ROBO2: variants seen among roughly 807,000 people sequenced by gnomAD.
ROBO2 encodes roundabout guidance receptor 2.
ROBO2 carries 53 observed loss-of-function variants against 160.8 expected under a neutral mutation model. That is an observed-to-expected ratio of 0.33 (90% CI 0.26 to 0.41). The LOEUF (loss-of-function observed/expected upper bound fraction) is 0.41, where lower values mean the gene tolerates loss of function less well. Ranked by LOEUF, ROBO2 falls within the 10% of genes least tolerant of loss-of-function variation. The pLI is 1.00. For missense variants in ROBO2, 1,577 were observed against 1,722.4 expected, an observed-to-expected ratio of 0.92 and a Z score of 1.49; for synonymous variants, 664 against 611.7, an observed-to-expected ratio of 1.09 and a Z score of -1.26.
intron 2 of ROBO2, among the ~76,000 whole-genome samples, chr3:76,795,967 A>T (rs139747805): frequency 1.3e-5 from 2 of 152,270 alleles, no homozygotes; most frequent in Admixed American, 6.5e-5. Context: ...ATTTTTTTAT[A>T]CATCTCCATC....
intron 2 of ROBO2, among the ~76,000 whole-genome samples, chr3:76,511,667 A>G (rs1321031345): frequency 1.3e-5 from 2 of 152,202 alleles, no homozygotes; most frequent in Non-Finnish European, 2.9e-5. Flanking sequence ...AATGCTGGGA[A>G]CACAGCTACT....
At chr3:77,388,473 T>G (rs2074367795) in intron 2 of ROBO2, among the ~76,000 whole-genome samples, 1 of 152,192 alleles carries the variant, frequency 6.6e-6, no homozygotes, top group Admixed American at 6.5e-5. Flanking sequence ...TTTGTTCTTC[T>G]CGCTCCTTCT....
intron 2 of ROBO2, among the ~76,000 whole-genome samples, chr3:77,152,996 T>C (rs1345157125): frequency 1.3e-5 from 2 of 152,168 alleles, no homozygotes; most frequent in Non-Finnish European, 2.9e-5. Context: ...ATTCTGGACA[T>C]TTTATATAAA....
intron 2 of ROBO2, among the ~76,000 whole-genome samples, chr3:77,128,009 G>A (rs113481529): frequency 0.013 from 1,963 of 152,220 alleles, 39 homozygotes; most frequent in African/African-American, 0.044. Context: ...AGCTTTGATG[G>A]TTCTAAACTT....
chr3:77,055,425 T>C (rs922833330), intron 1 of ROBO2, among the ~76,000 whole-genome samples: 1 of 152,134 alleles, frequency 6.6e-6, no homozygotes, highest in African/African-American at 2.4e-5. Flanking sequence ...GTATAAATGA[T>C]GAGAACTATA....
intron 2 of ROBO2, among the ~76,000 whole-genome samples, chr3:76,047,405 T>C (rs1440621448): frequency 6.6e-6 from 1 of 152,232 alleles, no homozygotes; most frequent in Admixed American, 6.5e-5. Context: ...TCTCTGTCTG[T>C]CTTGTTCTAT....
At chr3:75,937,152 T>A (rs1947819597) in intron 1 of ROBO2, among the ~76,000 whole-genome samples, 2 of 152,164 alleles carry the variant, frequency 1.3e-5, no homozygotes, top group African/African-American at 4.8e-5. Flanking sequence ...TTAAGTAGTG[T>A]CCATACACAA....
At chr3:76,245,070 A>T (rs952660182) in intron 2 of ROBO2, among the ~76,000 whole-genome samples, 1 of 152,154 alleles carries the variant, frequency 6.6e-6, no homozygotes, top group Non-Finnish European at 1.5e-5. Context: ...TTCCTAAAAA[A>T]CTCTGAATTT....
At chr3:77,239,726 G>A (rs972704735) in intron 2 of ROBO2, among the ~76,000 whole-genome samples, 1 of 152,108 alleles carries the variant, frequency 6.6e-6, no homozygotes, top group Admixed American at 6.5e-5. Context: ...GTCCCCACTA[G>A]ATTACCTAGA....
intron 1 of ROBO2, among the ~76,000 whole-genome samples, chr3:77,073,402 C>T (rs986323516): frequency 6.6e-6 from 1 of 152,096 alleles, no homozygotes; most frequent in Non-Finnish European, 1.5e-5. Flanking sequence ...AGGAAATAGT[C>T]TCCATAATTG....
At chr3:76,870,550 G>C (rs2071919675) in intron 2 of ROBO2, among the ~76,000 whole-genome samples, 1 of 152,194 alleles carries the variant, frequency 6.6e-6, no homozygotes, top group South Asian at 2.1e-4. Context: ...GGATCTCTCT[G>C]CTAAACTACA....
intron 2 of ROBO2, among the ~76,000 whole-genome samples, chr3:76,495,991 C>T (rs998324991): frequency 1.3e-5 from 2 of 152,134 alleles, no homozygotes; most frequent in African/African-American, 2.4e-5. Flanking sequence ...AAAGTAACAT[C>T]GTATAGTGGA....
At chr3:76,434,289 G>A in intron 2 of ROBO2, 2 of 1,026,836 alleles carry the variant, frequency 1.9e-6, no homozygotes, top group Non-Finnish European at 3.1e-6. Context: ...ACAGCCAGCA[G>A]ATAATAAGCT....
At chr3:76,824,051 T>C (rs955529822) in intron 2 of ROBO2, among the ~76,000 whole-genome samples, 25 of 152,260 alleles carry the variant, frequency 1.6e-4, no homozygotes, top group Admixed American at 1.1e-3. Context: ...GATCCTTTCA[T>C]GTTGTGCCAC....
chr3:77,292,252 A>T (rs1393153830), intron 2 of ROBO2, among the ~76,000 whole-genome samples: 4 of 151,482 alleles, frequency 2.6e-5, no homozygotes, highest in African/African-American at 7.3e-5. Context: ...AGCAAAATTG[A>T]CGGCCAAACG....
intron 2 of ROBO2, among the ~76,000 whole-genome samples, chr3:76,432,021 A>T (rs1019772078): frequency 1.3e-5 from 2 of 152,156 alleles, no homozygotes; most frequent in African/African-American, 4.8e-5. Context: ...CACCTGTAGG[A>T]AAAGGGAATG....
At position 75,936,747 on chromosome 3, in the gene ROBO2, C is replaced by A. The variant is rs556929330; in HGVS notation, c.-13-734C>A. On this transcript the variant is annotated intron_variant, in intron 1 of 26. Coordinates refer to the ROBO2 transcript ENST00000487694. ...ATCATTCAAATGTATGAATAAATAA[C>A]CTTGCTTTGGTGGACATTTAAGTAT... Among the ~76,000 whole-genome samples the A allele has an allele frequency of 5.3e-5, 8 of 152,030 alleles. No individual in the cohort carries two copies. In the East Asian group the frequency reaches 9.7e-4, roughly 18 times the overall value.
chr3:77,546,321 T>C lies in ROBO2; in HGVS notation c.935-17T>C. ...TATGGTTGATATTTACACGCTTTCTTTTCTTTTAAATTATAGCTCCCCCAC... is the reference window on the plus strand; with the variant it reads ...TATGGTTGATATTTACACGCTTTCTCTTCTTTTAAATTATAGCTCCCCCAC... On this transcript the variant is annotated splice_polypyrimidine_tract_variant and intron_variant, in intron 6 of 25. Transcript: ENST00000461745. The C allele has an allele frequency of 6.2e-7, 1 of 1,612,670 alleles. No homozygotes were observed. The highest frequency in any genetic ancestry group is 2.2e-5 in the East Asian group (1 of 44,826).
intron 2 of ROBO2, among the ~76,000 whole-genome samples, chr3:76,216,573 G>C (rs561342888): frequency 6.6e-6 from 1 of 152,012 alleles, no homozygotes; most frequent in Non-Finnish European, 1.5e-5. Flanking sequence ...AGGCCATTAC[G>C]TAATGGTAAA....
Sources: gnomAD v4.1 joint callset for allele counts (sites outside exome capture counted in the v4.1 genomes callset) on GRCh38, gnomAD v4.1.1 for gene constraint, MANE v1.5 for transcripts, NCBI Gene and HGNC (gene_info 2026-07-23, HGNC 2026-07-21) for gene names.